Variants in DPYD observed in about 807,000 individuals in gnomAD.
DPYD encodes dihydropyrimidine dehydrogenase, also known as dihydropyrimidine dehydrogenase [NADP(+)].
In DPYD, 109 loss-of-function variants were observed where a neutral mutation model predicts 116.2. The observed-to-expected ratio is 0.94, with a 90% confidence interval of 0.80 to 1.10. The LOEUF (loss-of-function observed/expected upper bound fraction) is 1.10, where lower values mean the gene tolerates loss of function less well. DPYD is among the 50% of genes least tolerant of loss of function. The pLI is 0.00. For synonymous variants in DPYD, 440 were observed against 432.0 expected (o/e 1.02, Z -0.23); for missense variants, 1,302 against 1,254.5 (o/e 1.04, Z -0.57).
intron 20 of DPYD, among the ~76,000 whole-genome samples, chr1:97,129,351 C>A (rs952710951): frequency 2.6e-5 from 4 of 151,998 alleles, no homozygotes; most frequent in Non-Finnish European, 5.9e-5. Flanking sequence ...CAGGTGTGAG[C>A]CACCACACCC....
chr1:97,119,202 T>C (rs905075438), intron 20 of DPYD, among the ~76,000 whole-genome samples: 1 of 152,162 alleles, frequency 6.6e-6, no homozygotes, highest in African/African-American at 2.4e-5. Context: ...TTATGAACAT[T>C]GAGAAGTGAA....
chr1:97,202,854 G>A (rs1659304984), intron 19 of DPYD, among the ~76,000 whole-genome samples: 1 of 152,192 alleles, frequency 6.6e-6, no homozygotes, highest in South Asian at 2.1e-4. Flanking sequence ...TGCCTTTTAT[G>A]TGACACTAGA....
chr1:97,574,821 G>T (rs1653156446), intron 10 of DPYD, among the ~76,000 whole-genome samples: 1 of 152,062 alleles, frequency 6.6e-6, no homozygotes, highest in Non-Finnish European at 1.5e-5. Context: ...AGTGTTTTGG[G>T]ATGTTGTCTT....
chr1:97,443,394 G>A (rs554493176), intron 14 of DPYD, among the ~76,000 whole-genome samples: 7 of 152,216 alleles, frequency 4.6e-5, no homozygotes, highest in African/African-American at 1.2e-4. Flanking sequence ...AAATCACTAC[G>A]TAAGCTCTAG....
rs6671569 is a variant in DPYD at position 97,520,628 on chromosome 1, C to T, written c.1525-4687G>A. ...CTCCTAATGCTATCCCTCCCCTAACCCCCCACTCCCCAACAGGCCCCAATG... is the reference window on the plus strand; with the variant it reads ...CTCCTAATGCTATCCCTCCCCTAACTCCCCACTCCCCAACAGGCCCCAATG... On this transcript the variant is annotated intron_variant, in intron 12 of 22. Coordinates refer to ENST00000370192, the MANE Select transcript of DPYD (RefSeq NM_000110.4). 5.8e-3 allele frequency among the ~76,000 whole-genome samples: 880 copies of T among 152,058 alleles called. 11 individuals are homozygous for T. The highest frequency in any genetic ancestry group is 0.02 in the African/African-American group (838 of 41,472).
chr1:97,428,093 C>A (rs948575231), intron 14 of DPYD, among the ~76,000 whole-genome samples: 5 of 152,118 alleles, frequency 3.3e-5, no homozygotes, highest in African/African-American at 1.2e-4. Context: ...AAAGTGATTT[C>A]TGAGCCTCAG....
intron 16 of DPYD, among the ~76,000 whole-genome samples, chr1:97,312,405 T>C (rs1351530674): frequency 6.6e-6 from 1 of 151,850 alleles, no homozygotes. Flanking sequence ...TAAATTCCAA[T>C]TCCAAATACC....
At chr1:97,234,822 T>C in intron 19 of DPYD, 30 bp downstream of exon 19, 1 of 1,613,250 alleles carries the variant, frequency 6.2e-7, no homozygotes, top group Non-Finnish European at 8.5e-7. Flanking sequence ...ATGGAGATTT[T>C]TAAAAGGGAC....
chr1:97,458,504 T>C lies in DPYD; in HGVS notation c.1741-8281A>G, dbSNP rs537584478. Among the ~76,000 whole-genome samples the C allele has an allele frequency of 2.6e-5, 4 of 152,224 alleles. No homozygotes were observed. In the East Asian group the frequency reaches 7.7e-4, roughly 29 times the overall value. ...GAAGCAGAGATTCACAAGGGCAAAC[T>C]AACTATTGGGTGGTGTTTACCCTCA... On this transcript the variant is annotated intron_variant, in intron 13 of 22. Transcript: ENST00000370192.
chr1:97,851,249 C>CATAGATATAT (rs1553251307), intron 2 of DPYD, among the ~76,000 whole-genome samples: 1 of 146,906 alleles, frequency 6.8e-6, no homozygotes, highest in African/African-American at 2.5e-5. Context: ...GTCTAATTAC[C>CATAGATATAT]ATATATATAT....
chr1:97,651,042 T>C (rs1434475943), intron 8 of DPYD, among the ~76,000 whole-genome samples: 1 of 152,138 alleles, frequency 6.6e-6, no homozygotes, highest in Non-Finnish European at 1.5e-5. Context: ...ATTTGATGAG[T>C]GTTCAATTAA....
intron 21 of DPYD, among the ~76,000 whole-genome samples, chr1:97,083,014 A>G (rs2101560511): frequency 6.6e-6 from 1 of 152,256 alleles, no homozygotes; most frequent in Non-Finnish European, 1.5e-5. Flanking sequence ...CATTATTTAA[A>G]AATTCTAATT....
intron 6 of DPYD, among the ~76,000 whole-genome samples, chr1:97,696,523 A>T (rs918072376): frequency 6.6e-6 from 1 of 152,196 alleles, no homozygotes; most frequent in African/African-American, 2.4e-5. Context: ...ACAGAATTTA[A>T]TAGGAATGAT....
intron 2 of DPYD, among the ~76,000 whole-genome samples, chr1:97,846,780 T>C (rs149828633): frequency 3.9e-5 from 6 of 152,370 alleles, no homozygotes; most frequent in East Asian, 1.9e-4. Flanking sequence ...CTTAAAATCA[T>C]AGGAAAACAA....
chr1:97,451,586 T>A (rs1676414718), intron 13 of DPYD, among the ~76,000 whole-genome samples: 1 of 152,182 alleles, frequency 6.6e-6, no homozygotes, highest in Non-Finnish European at 1.5e-5. Flanking sequence ...TGATTTGCTA[T>A]TGTGAAACCA....
At chr1:97,499,492 G>T (rs1335070446) in intron 13 of DPYD, among the ~76,000 whole-genome samples, 1 of 151,702 alleles carries the variant, frequency 6.6e-6, no homozygotes, top group Non-Finnish European at 1.5e-5. Context: ...ACATTTCAGA[G>T]ACTGCATGAT....
intron 10 of DPYD, among the ~76,000 whole-genome samples, chr1:97,580,964 A>G (rs981130435): frequency 1.3e-5 from 2 of 152,108 alleles, no homozygotes; most frequent in Non-Finnish European, 2.9e-5. Context: ...GTGTCATCAG[A>G]TATTGATAAT....
chr1:97,137,155 C>T (rs571016324), intron 20 of DPYD, among the ~76,000 whole-genome samples: 67 of 152,324 alleles, frequency 4.4e-4, no homozygotes, highest in Middle Eastern at 6.8e-3. Flanking sequence ...TGTGGAACAG[C>T]AGGCCTTCCG....
intron 15 of DPYD, among the ~76,000 whole-genome samples, chr1:97,379,916 G>A (rs1459668682): frequency 6.6e-6 from 1 of 152,170 alleles, no homozygotes; most frequent in East Asian, 1.9e-4. Context: ...ATATGACTGA[G>A]CAATTGGCTC....
Sources: gnomAD v4.1 joint callset for allele counts (sites outside exome capture counted in the v4.1 genomes callset) on GRCh38, gnomAD v4.1.1 for gene constraint, MANE v1.5 for transcripts, NCBI Gene and HGNC (gene_info 2026-07-23, HGNC 2026-07-21) for gene names.